LARP1B: variants seen among roughly 807,000 people sequenced by gnomAD.
LARP1B encodes the protein la-related protein 1B.
A neutral mutation model predicts 114.2 loss-of-function variants in LARP1B; 76 were observed. That is an observed-to-expected ratio of 0.67 (90% confidence interval 0.55 to 0.81). The LOEUF is 0.81. Among genes scored for constraint, LARP1B ranks in the 30% least tolerant of loss-of-function variants. LARP1B has a pLI of 0.00. For synonymous variants in LARP1B, 345 were observed against 348.0 expected (o/e 0.99, Z 0.10); for missense variants, 1,014 against 1,075.8 (o/e 0.94, Z 0.80).
intron 15 of LARP1B, among the ~76,000 whole-genome samples, chr4:128,182,200 A>G (rs542158322): frequency 2.8e-5 from 4 of 140,416 alleles, no homozygotes; most frequent in African/African-American, 1.1e-4. Flanking sequence ...TGCAACCGTA[A>G]CCTCCCAGAC....
intron 12 of LARP1B, among the ~76,000 whole-genome samples, chr4:128,173,864 C>T (rs1046229871): frequency 1.3e-5 from 2 of 152,104 alleles, no homozygotes; most frequent in Non-Finnish European, 2.9e-5. Context: ...CACCACAGTC[C>T]GGTTTTAGAA....
chr4:128,197,802 A>G (rs1442357932), intron 15 of LARP1B, among the ~76,000 whole-genome samples: 1 of 151,590 alleles, frequency 6.6e-6, no homozygotes, highest in Non-Finnish European at 1.5e-5. Flanking sequence ...TTGTTCTTTT[A>G]GTTAAACATG....
chr4:128,115,187 C>T (rs1173527641), intron 10 of LARP1B, among the ~76,000 whole-genome samples: 4 of 152,144 alleles, frequency 2.6e-5, no homozygotes, highest in African/African-American at 7.2e-5. Context: ...CCGCCCGCCT[C>T]GTCCTCCCAA....
At chr4:128,116,897 C>T (rs543769360) in intron 10 of LARP1B, among the ~76,000 whole-genome samples, 22 of 148,700 alleles carry the variant, frequency 1.5e-4, no homozygotes, top group African/African-American at 4.9e-4. Flanking sequence ...TTCTTTTTAT[C>T]AAGTGATTTT....
At chr4:128,133,012 T>C (rs574511938) in intron 11 of LARP1B, among the ~76,000 whole-genome samples, 17 of 152,156 alleles carry the variant, frequency 1.1e-4, no homozygotes, top group Non-Finnish European at 2.5e-4. Flanking sequence ...ACAATAGGGT[T>C]CATGCTCCTA....
At chr4:128,096,121 G>A (rs1777887030) in intron 7 of LARP1B, among the ~76,000 whole-genome samples, 2 of 150,980 alleles carry the variant, frequency 1.3e-5, no homozygotes, top group East Asian at 2.0e-4. Context: ...AGCCTCCCAC[G>A]TAGCTGGCAC....
intron 18 of LARP1B, 62 bp from the exon 19 acceptor site, chr4:128,207,194 T>A (rs1320249042): frequency 1.4e-6 from 1 of 737,186 alleles, no homozygotes; most frequent in Non-Finnish European, 1.9e-6. Flanking sequence ...AGGATTATAT[T>A]TAATGTGAAT....
intron 4 of LARP1B, among the ~76,000 whole-genome samples, chr4:128,080,229 C>T (rs1169235168): frequency 4.0e-5 from 6 of 151,384 alleles, no homozygotes; most frequent in Non-Finnish European, 5.9e-5. Context: ...GTGATCTGCC[C>T]GCCTTGGCTT....
At chr4:128,194,764 G>A (rs1220333566) in intron 15 of LARP1B, among the ~76,000 whole-genome samples, 5 of 150,478 alleles carry the variant, frequency 3.3e-5, no homozygotes, top group Non-Finnish European at 7.4e-5. Context: ...CTACTTAGGA[G>A]GCTGAGGCAG....
At chr4:128,093,119 T>A in intron 7 of LARP1B, 1 of 873,060 alleles carries the variant, frequency 1.1e-6, no homozygotes, top group Non-Finnish European at 1.4e-6. Flanking sequence ...GTTCTAGCAG[T>A]AGGGATTTTG....
chr4:128,099,376 C>G (rs1022418017), intron 8 of LARP1B, among the ~76,000 whole-genome samples: 1 of 151,484 alleles, frequency 6.6e-6, no homozygotes, highest in Admixed American at 6.6e-5. Context: ...CAACTTCTGC[C>G]TCCCAGGTTC....
At chr4:128,117,194 G>T (rs1786163330) in intron 10 of LARP1B, among the ~76,000 whole-genome samples, 1 of 149,946 alleles carries the variant, frequency 6.7e-6, no homozygotes, top group South Asian at 2.1e-4. Flanking sequence ...GAGCTGCCAT[G>T]CCCGGCCTGA....
chr4:128,090,166 G>A (rs1254188772), intron 5 of LARP1B, among the ~76,000 whole-genome samples: 1 of 149,918 alleles, frequency 6.7e-6, no homozygotes, highest in Non-Finnish European at 1.5e-5. Flanking sequence ...CCTGCCTCCC[G>A]AGTTCAAGTG....
At chr4:128,114,866 A>C (rs1034847958) in intron 10 of LARP1B, 124 bp downstream of exon 10, 1 of 748,960 alleles carries the variant, frequency 1.3e-6, no homozygotes, top group Admixed American at 2.6e-5. Context: ...TAACTTTGTA[A>C]TTGTTGGCCT....
chr4:128,191,422 G>A (rs1310605393), intron 15 of LARP1B, among the ~76,000 whole-genome samples: 2 of 152,116 alleles, frequency 1.3e-5, no homozygotes, highest in Non-Finnish European at 2.9e-5. Context: ...GAGATTCTTT[G>A]CAGTAGCGTG....
chr4:128,089,119 A>G (rs1774849630), intron 5 of LARP1B, among the ~76,000 whole-genome samples: 1 of 151,928 alleles, frequency 6.6e-6, no homozygotes, highest in African/African-American at 2.4e-5. Context: ...GTCACAACTG[A>G]GGGAGTGAGT....
chr4:128,065,693 A>G (rs1048120455), intron 1 of LARP1B, among the ~76,000 whole-genome samples: 1 of 152,144 alleles, frequency 6.6e-6, no homozygotes, highest in Non-Finnish European at 1.5e-5. Context: ...GGCATTATAA[A>G]TGAATAACAT....
chr4:128,068,679 C>A (rs1764016917), intron 1 of LARP1B, among the ~76,000 whole-genome samples: 1 of 152,050 alleles, frequency 6.6e-6, no homozygotes, highest in Non-Finnish European at 1.5e-5. Flanking sequence ...TCCCAAAGTG[C>A]TGCTATTACA....
chr4:128,152,278 A>G (rs1370117889), intron 11 of LARP1B, among the ~76,000 whole-genome samples: 1 of 148,262 alleles, frequency 6.7e-6, no homozygotes, highest in Non-Finnish European at 1.5e-5. Context: ...ATCTCGGCTC[A>G]CTGAAACCTC....
Sources: gnomAD v4.1 joint callset for allele counts (sites outside exome capture counted in the v4.1 genomes callset) on GRCh38, gnomAD v4.1.1 for gene constraint, MANE v1.5 for transcripts, NCBI Gene and HGNC (gene_info 2026-07-23, HGNC 2026-07-21) for gene names.